CACNB2: variants seen among roughly 807,000 people sequenced by gnomAD.
The protein encoded by CACNB2 is calcium voltage-gated channel auxiliary subunit beta 2.
In CACNB2, 42 loss-of-function variants were observed where a neutral mutation model predicts 73.3. The ratio of observed to expected loss-of-function variants is 0.57; its 90% CI spans 0.45 to 0.74. The LOEUF (loss-of-function observed/expected upper bound fraction) is 0.74, where lower values mean the gene tolerates loss of function less well. CACNB2 is among the 30% of genes least tolerant of loss of function. The probability of loss-of-function intolerance (pLI) is 0.00; values close to 1 mark genes in which losing one functional copy is unlikely to be tolerated. For synonymous variants in CACNB2, 348 were observed against 310.3 expected, an observed-to-expected ratio of 1.12 and a Z score of -1.28; for missense variants, 940 against 853.0, an observed-to-expected ratio of 1.10 and a Z score of -1.27.
intron 3 of CACNB2, among the ~76,000 whole-genome samples, chr10:18,404,839 A>G (rs912768238): frequency 5.9e-5 from 9 of 152,236 alleles, no homozygotes; most frequent in African/African-American, 2.2e-4. Flanking sequence ...CAATAAACCT[A>G]TTACTCTCCA....
chr10:18,251,254 T>C (rs574447522), intron 2 of CACNB2, among the ~76,000 whole-genome samples: 1 of 152,168 alleles, frequency 6.6e-6, no homozygotes, highest in African/African-American at 2.4e-5. Context: ...TTTTTTTTTT[T>C]CTTTTTTTGA....
At chr10:18,474,742 C>T (rs1456290106) in intron 3 of CACNB2, among the ~76,000 whole-genome samples, 1 of 152,074 alleles carries the variant, frequency 6.6e-6, no homozygotes, top group Non-Finnish European at 1.5e-5. Context: ...CCACTACTCT[C>T]AATTCTTCCA....
At chr10:18,306,490 G>GA (rs2039732926) in intron 2 of CACNB2, among the ~76,000 whole-genome samples, 1 of 152,172 alleles carries the variant, frequency 6.6e-6, no homozygotes, top group Admixed American at 6.6e-5. Context: ...TGTTGCAGTA[G>GA]AAATGAGGTC....
intron 2 of CACNB2, among the ~76,000 whole-genome samples, chr10:18,386,512 C>T (rs1002271477): frequency 6.8e-6 from 1 of 148,066 alleles, no homozygotes; most frequent in Non-Finnish European, 1.5e-5. Context: ...GCACCATTCT[C>T]CTGCCTCAGC....
intron 2 of CACNB2, among the ~76,000 whole-genome samples, chr10:18,205,081 G>A (rs1301643548): frequency 1.4e-5 from 1 of 72,272 alleles, no homozygotes; most frequent in Non-Finnish European, 4.7e-5. Flanking sequence ...GTTTTTGAGG[G>A]TTTTTAAAAA....
chr10:18,419,637 G>A (rs900242827), intron 3 of CACNB2, among the ~76,000 whole-genome samples: 1 of 152,174 alleles, frequency 6.6e-6, no homozygotes, highest in South Asian at 2.1e-4. Flanking sequence ...CCAAGAGCGG[G>A]TTCTTGAATG....
chr10:18,465,770 C>T (rs2047847536), intron 3 of CACNB2, among the ~76,000 whole-genome samples: 1 of 151,956 alleles, frequency 6.6e-6, no homozygotes, highest in Non-Finnish European at 1.5e-5. Context: ...CAACCTCTGC[C>T]TCCCAGGTTC....
chr10:18,372,659 C>T (rs1477823525), intron 2 of CACNB2, among the ~76,000 whole-genome samples: 5 of 152,154 alleles, frequency 3.3e-5, no homozygotes, highest in East Asian at 3.9e-4. Context: ...CACCCGCCTT[C>T]GCCTCCCAAA....
intron 2 of CACNB2, among the ~76,000 whole-genome samples, chr10:18,180,147 C>A (rs560166067): frequency 1.3e-5 from 2 of 152,090 alleles, no homozygotes; most frequent in African/African-American, 2.4e-5. Flanking sequence ...AACCTACTAG[C>A]CTCATTTGCC....
chr10:18,382,637 G>C (rs1326950790), intron 2 of CACNB2, among the ~76,000 whole-genome samples: 1 of 152,166 alleles, frequency 6.6e-6, no homozygotes, highest in Non-Finnish European at 1.5e-5. Flanking sequence ...AGAACATGCA[G>C]TGTTTGGTTT....
intron 2 of CACNB2, among the ~76,000 whole-genome samples, chr10:18,217,547 G>A (rs1588725414): frequency 1.3e-5 from 2 of 151,880 alleles, no homozygotes; most frequent in African/African-American, 4.8e-5. Context: ...TTGTATAAAT[G>A]TTATAGAAAA....
chr10:18,196,557 A>G (rs1260411898), intron 2 of CACNB2, among the ~76,000 whole-genome samples: 1 of 152,100 alleles, frequency 6.6e-6, no homozygotes, highest in Non-Finnish European at 1.5e-5. Flanking sequence ...GACTCCAGTG[A>G]TCTGTCCACC....
At chr10:18,174,161 T>G (rs1270660276) in intron 2 of CACNB2, among the ~76,000 whole-genome samples, 1 of 152,042 alleles carries the variant, frequency 6.6e-6, no homozygotes, top group African/African-American at 2.4e-5. Flanking sequence ...AGATGGGAGT[T>G]TGAGACATTT....
Position 18,150,996 on chromosome 10 carries a change from GT to G in CACNB2, c.213+25del. On this transcript the variant is annotated intron_variant, in intron 2 of 13. Transcript: ENST00000324631. The stretch of plus-strand genomic sequence containing the variant: ...GCCAGGTAAGAGTTTTAAGTTCATG[GT>G]TTTGATAAGTACCTTAAAATGACTT... The G allele has an allele frequency of 4.3e-6, 6 of 1,391,366 alleles. No individual in the cohort carries two copies. The South Asian group carries it at 7.0e-5, about 16-fold the overall frequency. 86.2% of individuals were successfully genotyped at this position (1,391,366 alleles called of 1,614,324 possible). A position where few individuals can be genotyped will look rare whatever the true frequency, so the allele number is the denominator to read the frequency against.
chr10:18,368,826 C>T (rs1270819915), intron 2 of CACNB2, among the ~76,000 whole-genome samples: 1 of 151,750 alleles, frequency 6.6e-6, no homozygotes, highest in African/African-American at 2.4e-5. Context: ...AAACCATATG[C>T]TCTATAATGA....
rs530624701 is a variant in CACNB2 at position 18,251,783 on chromosome 10, C to T, written c.213+100808C>T. Among the ~76,000 whole-genome samples the T allele has an allele frequency of 2.3e-4, 35 of 152,164 alleles. 1 individual carries two copies. In the South Asian group the frequency reaches 6.0e-3, roughly 26 times the overall value. Reference sequence around the variant, plus strand: ...ATGGTGGAAAAGGGGACAGAGAGCGCGAAGAGGGAAGTGCTACATGCTTTT... The same window carrying T: ...ATGGTGGAAAAGGGGACAGAGAGCGTGAAGAGGGAAGTGCTACATGCTTTT... On this transcript the variant is annotated intron_variant, in intron 2 of 13. Coordinates refer to ENST00000324631, the MANE Select transcript of CACNB2 (RefSeq NM_201596.3).
At chr10:18,149,785 A>C (rs1283401515) in intron 1 of CACNB2, among the ~76,000 whole-genome samples, 1 of 152,192 alleles carries the variant, frequency 6.6e-6, no homozygotes, top group Non-Finnish European at 1.5e-5. Flanking sequence ...GCTTTAGTCC[A>C]GTTTGTTTCC....
At chr10:18,457,759 A>T (rs754653377) in intron 3 of CACNB2, among the ~76,000 whole-genome samples, 5 of 152,104 alleles carry the variant, frequency 3.3e-5, no homozygotes, top group Non-Finnish European at 5.9e-5. Flanking sequence ...GCATGGTGGC[A>T]CATGCCTGAA....
intron 3 of CACNB2, among the ~76,000 whole-genome samples, chr10:18,440,651 G>A (rs925015365): frequency 6.8e-6 from 1 of 147,910 alleles, no homozygotes; most frequent in East Asian, 2.1e-4. Context: ...CCACCCCCCA[G>A]AGAAAAGCTT....
Sources: gnomAD v4.1 joint callset for allele counts (sites outside exome capture counted in the v4.1 genomes callset) on GRCh38, gnomAD v4.1.1 for gene constraint, MANE v1.5 for transcripts, NCBI Gene and HGNC (gene_info 2026-07-23, HGNC 2026-07-21) for gene names.